The following SLCO1B3 variants were observed in gnomAD, a reference collection of about 807,000 sequenced individuals.
The protein encoded by SLCO1B3 is solute carrier organic anion transporter family member 1B3, also known as liver-specific organic anion transporter 2.
A neutral mutation model predicts 71.8 loss-of-function variants in SLCO1B3; 72 were observed. That is an observed-to-expected ratio of 1.00 (90% confidence interval 0.83 to 1.22). SLCO1B3 has a LOEUF of 1.22. Ranked by LOEUF, SLCO1B3 falls within the 50% of genes most tolerant of loss-of-function variation. The probability of loss-of-function intolerance (pLI) is 0.00; values close to 1 mark genes in which losing one functional copy is unlikely to be tolerated. For missense variants in SLCO1B3, 911 were observed against 819.7 expected (o/e 1.11, Z -1.36); for synonymous variants, 298 against 278.4 (o/e 1.07, Z -0.70).
intron 11 of SLCO1B3, 137 bp from the exon 12 acceptor site, chr12:20,880,718 C>A: frequency 3.7e-6 from 2 of 541,120 alleles, no homozygotes; most frequent in Non-Finnish European, 6.0e-6. Flanking sequence ...AAAACCCTTT[C>A]TCTTATTTCT....
intron 5 of SLCO1B3, chr12:20,858,850 A>G: frequency 5.4e-6 from 1 of 184,858 alleles, no homozygotes; most frequent in Non-Finnish European, 1.1e-5. Context: ...TACCAATTTT[A>G]GTATAACATA....
chr12:20,822,001 A>G (rs949895220), intron 3 of SLCO1B3, among the ~76,000 whole-genome samples: 1 of 152,200 alleles, frequency 6.6e-6, no homozygotes, highest in Non-Finnish European at 1.5e-5. Context: ...AGGGATAGTG[A>G]AGGAAGTTGG....
chr12:20,839,927 T>C (rs1864760850), intron 3 of SLCO1B3, among the ~76,000 whole-genome samples: 1 of 152,190 alleles, frequency 6.6e-6, no homozygotes. Flanking sequence ...TTTTCTCAGG[T>C]ATGCCAAGTA....
chr12:20,854,190 G>C (rs934834012), intron 3 of SLCO1B3, among the ~76,000 whole-genome samples: 3 of 152,122 alleles, frequency 2.0e-5, no homozygotes, highest in African/African-American at 7.2e-5. Context: ...TTATTTGATA[G>C]AGAGTGCTCT....
intron 15 of SLCO1B3, among the ~76,000 whole-genome samples, chr12:20,906,824 T>C (rs549148700): frequency 1.9e-4 from 29 of 152,268 alleles, no homozygotes; most frequent in Admixed American, 7.9e-4. Context: ...ATCACCCAGA[T>C]TGTCAACAAT....
chr12:20,907,511 C>CT lies in SLCO1B3; in HGVS notation c.1865+6059dup, dbSNP rs753028322. ...TCTTCTCCTCCCTTCCCTTCCCTTC[C>CT]TTTTTTTTTTTTTTTGAGACGCAGC... On this transcript the variant is annotated intron_variant, in intron 15 of 15. Transcript: ENST00000381545. Among the ~76,000 whole-genome samples, 196 of 124,770 alleles carry CT rather than the reference C, an allele frequency of 1.6e-3. 1 individual carries two copies. The highest frequency in any genetic ancestry group is 3.3e-3 in the South Asian group (11 of 3,380). 81.9% of individuals were successfully genotyped at this position (124,770 alleles called of 152,430 possible).
intron 11 of SLCO1B3, among the ~76,000 whole-genome samples, chr12:20,879,849 C>T (rs1036041674): frequency 2.6e-5 from 4 of 151,918 alleles, no homozygotes; most frequent in African/African-American, 9.7e-5. Context: ...AATAATAATA[C>T]CTATGATTTC....
At chr12:20,845,926 C>T (rs975653) in intron 3 of SLCO1B3, among the ~76,000 whole-genome samples, 109,807 of 151,038 alleles carry the variant, frequency 0.73, 42,351 homozygotes, top group South Asian at 0.9. Context: ...AATTTAATCT[C>T]TTTTTGTTGG....
At chr12:20,822,513 G>T (rs1204646101) in intron 3 of SLCO1B3, among the ~76,000 whole-genome samples, 2 of 152,124 alleles carry the variant, frequency 1.3e-5, no homozygotes, top group African/African-American at 4.8e-5. Flanking sequence ...GCGGGGCAGG[G>T]CCTTTCACTT....
At chr12:20,856,392 A>C (rs1346911444) in intron 4 of SLCO1B3, among the ~76,000 whole-genome samples, 1 of 152,178 alleles carries the variant, frequency 6.6e-6, no homozygotes, top group Admixed American at 6.5e-5. Context: ...AAAATATAAA[A>C]CTTAAAAATG....
chr12:20,831,595 T>G (rs1002117223), intron 3 of SLCO1B3, among the ~76,000 whole-genome samples: 1 of 152,162 alleles, frequency 6.6e-6, no homozygotes, highest in Non-Finnish European at 1.5e-5. Flanking sequence ...TTTGTATTCA[T>G]GAGGAACAAA....
rs545985727 is a variant in SLCO1B3 at position 20,880,951 on chromosome 12, C to A, written c.1428C>A (p.Asn476Lys). The change falls in exon 12 of 16, where the codon AAC (asparagine) becomes AAA (lysine). Residue 476 changes from asparagine (N) to lysine (K), a missense_variant. By Grantham distance (94) the Asn-to-Lys change is moderately conservative. Transcript: ENST00000381545. ...GTCAGTGGGAACCAGTCTGTGGGAACAATGGAATAACTTACCTGTCACCTT... is the reference window on the plus strand; with the variant it reads ...GTCAGTGGGAACCAGTCTGTGGGAAAAATGGAATAACTTACCTGTCACCTT... ...DESQWEPVCG[N>K]NGITYLSPCL... is the part of the protein sequence containing the mutation. 3 of 1,612,458 alleles carry A rather than the reference C, an allele frequency of 1.9e-6. No individual in the cohort carries two copies. The South Asian group carries it at 3.3e-5, about 18-fold the overall frequency.
intron 3 of SLCO1B3, among the ~76,000 whole-genome samples, chr12:20,845,698 T>C (rs1864902964): frequency 6.6e-6 from 1 of 152,226 alleles, no homozygotes; most frequent in African/African-American, 2.4e-5. Flanking sequence ...TATTCTGCAG[T>C]TCTTGGGTAG....
At chr12:20,875,114 A>C in intron 8 of SLCO1B3, 121 bp from the exon 9 acceptor site, 1 of 1,225,892 alleles carries the variant, frequency 8.2e-7, no homozygotes. Context: ...TTTAGAATTG[A>C]AAGTAAACAT....
Position 20,916,257 on chromosome 12 carries a change from GATTC to G in SLCO1B3, c.*14_*17del, listed in dbSNP as rs1484547300. On this transcript the variant is annotated 3_prime_UTR_variant, in exon 16 of 16. Coordinates refer to ENST00000381545, the MANE Select transcript of SLCO1B3 (RefSeq NM_019844.4). ...TGCTGCTGCCAACTAACATTGCATT[GATTC>G]ATTAAGATGTTATTTTTGAGGTGTT... 1.9e-6 allele frequency: 3 copies of G among 1,607,286 alleles called. No individual in the cohort carries two copies. The highest frequency in any genetic ancestry group is 2.6e-6 in the Non-Finnish European group (3 of 1,176,358).
At chr12:20,846,556 C>A (rs1864923594) in intron 3 of SLCO1B3, among the ~76,000 whole-genome samples, 1 of 151,950 alleles carries the variant, frequency 6.6e-6, no homozygotes, top group African/African-American at 2.4e-5. Context: ...AGTGAGTTTG[C>A]CCAGAAAAAG....
intron 13 of SLCO1B3, among the ~76,000 whole-genome samples, chr12:20,887,635 G>C (rs191864655): frequency 6.6e-6 from 1 of 150,536 alleles, no homozygotes; most frequent in Non-Finnish European, 1.5e-5. Context: ...CAGATGCATT[G>C]TTTGCAAATA....
rs774612384 is a variant in SLCO1B3, at chr12:20,876,282, A to G, written c.970+805A>G. 5.1e-4 allele frequency among the ~76,000 whole-genome samples: 77 copies of G among 152,118 alleles called. 1 individual carries two copies. Among genetic ancestry groups the G allele is most frequent in the South Asian group, 8.3e-4 (4 of 4,836 alleles). On this transcript the variant is annotated intron_variant, in intron 9 of 15. Transcript: ENST00000381545. Reference sequence around the variant, plus strand: ...TTGAGAAGCAATAATCAAGAGAATGATCTGGCAGCTGTCAGAGCAAGATAT... The same window carrying G: ...TTGAGAAGCAATAATCAAGAGAATGGTCTGGCAGCTGTCAGAGCAAGATAT...
chr12:20,811,334 C>T (rs909157077), intron 1 of SLCO1B3, among the ~76,000 whole-genome samples: 5 of 152,152 alleles, frequency 3.3e-5, no homozygotes, highest in African/African-American at 1.2e-4. Context: ...CTTCTGGGCA[C>T]AGCTCTTGGA....
Sources: allele counts gnomAD v4.1 joint callset (sites outside exome capture counted in the v4.1 genomes callset), GRCh38; gene constraint gnomAD v4.1.1; transcripts MANE v1.5; gene names NCBI Gene and HGNC (gene_info 2026-07-23, HGNC 2026-07-21).